The following PALLD variants were observed in gnomAD, a reference collection of about 807,000 sequenced individuals.
PALLD encodes palladin, cytoskeletal associated protein.
In PALLD, 61 loss-of-function variants were observed where a neutral mutation model predicts 123.5. The ratio of observed to expected loss-of-function variants is 0.49; its 90% CI spans 0.40 to 0.61. The LOEUF is 0.61. Among genes scored for constraint, PALLD ranks in the 20% least tolerant of loss-of-function variants. PALLD has a pLI of 0.00. For synonymous variants in PALLD, 465 were observed against 496.4 expected, an observed-to-expected ratio of 0.94 and a Z score of 0.84; for missense variants, 1,273 against 1,377.0, an observed-to-expected ratio of 0.92 and a Z score of 1.20.
intron 10 of PALLD, among the ~76,000 whole-genome samples, chr4:168,724,678 AAC>A (rs145220380): frequency 0.035 from 5,377 of 151,750 alleles, 370 homozygotes; most frequent in East Asian, 0.32. Flanking sequence ...CGTCAATTTG[AAC>A]ACACACATCT....
At position 168,900,380 on chromosome 4, in the gene PALLD, TA is replaced by T. The variant is rs367686725; in HGVS notation, c.2472+1671del. Among the ~76,000 whole-genome samples, 11 of 152,134 alleles carry T rather than the reference TA, an allele frequency of 7.2e-5. No individual in the cohort carries two copies. In the East Asian group the frequency reaches 1.3e-3, roughly 19 times the overall value. ...TCTTAAGTAACCTCTAAAATAACTT[TA>T]AAAAGATTGAAACAATTTTAAAAAG... On this transcript the variant is annotated intron_variant, in intron 14 of 21. Coordinates refer to ENST00000505667, the MANE Select transcript of PALLD (RefSeq NM_001166108.2).
intron 10 of PALLD, among the ~76,000 whole-genome samples, chr4:168,733,161 TTTATC>T (rs1315166916): frequency 1.3e-5 from 2 of 152,204 alleles, no homozygotes; most frequent in Admixed American, 6.5e-5. Context: ...ACCTCAAACA[TTTATC>T]TTATGTTGGG....
intron 10 of PALLD, among the ~76,000 whole-genome samples, chr4:168,814,473 G>A (rs1251239925): frequency 1.3e-5 from 2 of 152,158 alleles, no homozygotes; most frequent in South Asian, 2.1e-4. Flanking sequence ...GGATGAAACC[G>A]AACCATGTTG....
intron 10 of PALLD, among the ~76,000 whole-genome samples, chr4:168,760,938 G>A (rs1246685280): frequency 6.6e-6 from 1 of 152,132 alleles, no homozygotes; most frequent in Non-Finnish European, 1.5e-5. Context: ...CTCAGCAGAT[G>A]GAAAGCTACA....
intron 10 of PALLD, among the ~76,000 whole-genome samples, chr4:168,735,273 G>T (rs1487994798): frequency 1.3e-5 from 2 of 152,084 alleles, no homozygotes; most frequent in Non-Finnish European, 2.9e-5. Flanking sequence ...CGCCCCACTG[G>T]CCTTTTCTCG....
chr4:168,599,476 C>T (rs970871631), intron 2 of PALLD, among the ~76,000 whole-genome samples: 1 of 151,974 alleles, frequency 6.6e-6, no homozygotes, highest in Non-Finnish European at 1.5e-5. Flanking sequence ...CACAGACAAA[C>T]AAAACATTTT....
At chr4:168,748,169 A>G (rs1372084354) in intron 10 of PALLD, among the ~76,000 whole-genome samples, 1 of 152,368 alleles carries the variant, frequency 6.6e-6, no homozygotes, top group East Asian at 1.9e-4. Context: ...TGACACAAAA[A>G]TATTTACAAA....
At chr4:168,742,074 C>T (rs1049772001) in intron 10 of PALLD, among the ~76,000 whole-genome samples, 1 of 152,196 alleles carries the variant, frequency 6.6e-6, no homozygotes, top group African/African-American at 2.4e-5. Context: ...TCTTGCTGCC[C>T]AGCATCTAGG....
chr4:168,597,581 T>A (rs1266707036), intron 2 of PALLD, among the ~76,000 whole-genome samples: 1 of 152,124 alleles, frequency 6.6e-6, no homozygotes, highest in Non-Finnish European at 1.5e-5. Context: ...TATCATTTCA[T>A]GCAACAATGT....
chr4:168,602,851 G>A (rs1451389272), intron 2 of PALLD, among the ~76,000 whole-genome samples: 4 of 151,646 alleles, frequency 2.6e-5, no homozygotes, highest in Admixed American at 6.6e-5. Flanking sequence ...CTGCAGCCTC[G>A]ACCTCCCAGG....
chr4:168,808,320 A>T lies in PALLD; in HGVS notation c.1965-82602A>T, dbSNP rs192488365. The stretch of plus-strand genomic sequence containing the variant: ...ATGGTGAAACCCTGTCTCTACTAAA[A>T]ATACAAAAAATTAGCCAGGCATGGT... On this transcript the variant is annotated intron_variant, in intron 10 of 21. Transcript: ENST00000505667. 1.0e-2 allele frequency among the ~76,000 whole-genome samples: 1,516 copies of T among 151,846 alleles called. 30 individuals are homozygous for T. Among genetic ancestry groups the T allele is most frequent in the African/African-American group, 0.034 (1,426 of 41,438 alleles).
At chr4:168,760,377 C>T (rs1732667266) in intron 10 of PALLD, among the ~76,000 whole-genome samples, 1 of 152,170 alleles carries the variant, frequency 6.6e-6, no homozygotes, top group African/African-American at 2.4e-5. Flanking sequence ...TGACTACCTC[C>T]TTTTGGCTCC....
At chr4:168,848,885 A>G (rs1747305289) in intron 10 of PALLD, among the ~76,000 whole-genome samples, 1 of 152,196 alleles carries the variant, frequency 6.6e-6, no homozygotes, top group African/African-American at 2.4e-5. Context: ...GTTTTGTGGT[A>G]TGATTAACTT....
At chr4:168,917,542 T>A (rs1478617001) in intron 17 of PALLD, among the ~76,000 whole-genome samples, 2 of 152,196 alleles carry the variant, frequency 1.3e-5, no homozygotes, top group African/African-American at 2.4e-5. Flanking sequence ...TGTTTACTGA[T>A]CTTAAATTTA....
Position 168,511,705 on chromosome 4 carries a change from T to A in PALLD, c.201T>A (p.Ile67=), listed in dbSNP as rs1762546180. Residue 67 remains isoleucine (I), a synonymous_variant, in exon 2 of 22, where the codon ATT becomes ATA. Transcript: ENST00000505667. ...DFDSEKEISQ[I]FSTSPASLCE... ...ACTCGGAAAAGGAGATCTCGCAGAT[T>A]TTCAGTACTTCTCCTGCAAGCCTCT... The A allele has an allele frequency of 6.2e-7, 1 of 1,614,130 alleles. No homozygotes were observed. Among genetic ancestry groups the A allele is most frequent in the Non-Finnish European group, 8.5e-7 (1 of 1,180,014 alleles).
At chr4:168,544,931 A>G (rs1042766326) in intron 2 of PALLD, among the ~76,000 whole-genome samples, 50 of 152,120 alleles carry the variant, frequency 3.3e-4, no homozygotes, top group African/African-American at 1.1e-3. Context: ...CAAACACCAT[A>G]CACGTGCCTA....
intron 10 of PALLD, among the ~76,000 whole-genome samples, chr4:168,759,239 A>T (rs1732472163): frequency 8.0e-6 from 1 of 125,544 alleles, no homozygotes; most frequent in East Asian, 2.4e-4. Context: ...ATATATATAT[A>T]TATATAGAAA....
intron 8 of PALLD, among the ~76,000 whole-genome samples, chr4:168,704,740 T>G (rs1030511035): frequency 6.6e-6 from 1 of 150,848 alleles, no homozygotes; most frequent in African/African-American, 2.4e-5. Flanking sequence ...TTTTAAATGG[T>G]AGAGATAAAT....
intron 3 of PALLD, among the ~76,000 whole-genome samples, chr4:168,673,417 C>G (rs1182255694): frequency 6.6e-6 from 1 of 152,054 alleles, no homozygotes; most frequent in African/African-American, 2.4e-5. Flanking sequence ...GTGAGGACAG[C>G]CAGATGTGCC....
Sources: allele counts gnomAD v4.1 joint callset (sites outside exome capture counted in the v4.1 genomes callset), GRCh38; gene constraint gnomAD v4.1.1; transcripts MANE v1.5; gene names NCBI Gene and HGNC (gene_info 2026-07-23, HGNC 2026-07-21).